FAM13B: variants seen among roughly 807,000 people sequenced by gnomAD.
The protein encoded by FAM13B is family with sequence similarity 13 member B.
Under a neutral mutation model 117.3 loss-of-function variants are expected in FAM13B, and 60 were observed. The ratio of observed to expected loss-of-function variants is 0.51; its 90% CI spans 0.42 to 0.63. The LOEUF (loss-of-function observed/expected upper bound fraction) is 0.63. Ranked by LOEUF, FAM13B falls within the 30% of genes least tolerant of loss-of-function variation. The pLI is 0.00. For missense variants in FAM13B, 972 were observed against 1,091.9 expected (o/e 0.89, Z 1.55); for synonymous variants, 332 against 356.1 (o/e 0.93, Z 0.76).
At chr5:137,981,077 ATTTTTTTT>A (rs56799832) in intron 10 of FAM13B, among the ~76,000 whole-genome samples, 2 of 60,464 alleles carry the variant, frequency 3.3e-5, no homozygotes, top group African/African-American at 7.1e-5. Flanking sequence ...ACACCTGGCT[ATTTTTTTT>A]TTTTTTTTTT....
intron 1 of FAM13B, among the ~76,000 whole-genome samples, chr5:138,023,513 C>A (rs958746545): frequency 1.3e-5 from 2 of 152,152 alleles, no homozygotes; most frequent in African/African-American, 4.8e-5. Context: ...AATCACTATA[C>A]TATTTTTTCA....
At chr5:137,943,563 G>A (rs571655799) in intron 20 of FAM13B, among the ~76,000 whole-genome samples, 1 of 152,282 alleles carries the variant, frequency 6.6e-6, no homozygotes, top group South Asian at 2.1e-4. Context: ...GGCTAACACG[G>A]TGAAAGCCCG....
At chr5:138,008,803 G>T (rs1203073322) in intron 6 of FAM13B, among the ~76,000 whole-genome samples, 1 of 152,168 alleles carries the variant, frequency 6.6e-6, no homozygotes. Flanking sequence ...CTCAACCACA[G>T]GTCTATCAAG....
upstream of FAM13B, among the ~76,000 whole-genome samples, chr5:138,035,474 C>T (rs1308873974): frequency 2.0e-5 from 3 of 152,170 alleles, no homozygotes; most frequent in Non-Finnish European, 4.4e-5. Flanking sequence ...AACATAGGGG[C>T]CACATGGGCT....
chr5:137,976,470 G>T (rs560033384), intron 10 of FAM13B, among the ~76,000 whole-genome samples: 1 of 152,202 alleles, frequency 6.6e-6, no homozygotes, highest in African/African-American at 2.4e-5. Flanking sequence ...CAGAGAAACT[G>T]TTGGAAACCT....
chr5:137,959,703 G>A lies in FAM13B; in HGVS notation c.1354C>T (p.Gln452Ter), dbSNP rs1399530093. ...ANTESEVPGG[Q>*]SVGVQGEAAC... is the part of the protein sequence containing the mutation. ...GCTTCCCCTTGAACACCAACACTCT[G>A]ACCTCCTGGTACTTCTGATTCAGTG... Residue 452 changes from glutamine (Q) to a stop codon, truncating the protein, a stop_gained, in exon 13 of 24, where the codon CAG becomes TAG. Transcript: ENST00000689681. LOFTEE classifies it high-confidence loss of function. The A allele has an allele frequency of 6.2e-7, 1 of 1,613,762 alleles. No individual in the cohort carries two copies. The highest frequency in any genetic ancestry group is 8.5e-7 in the Non-Finnish European group (1 of 1,179,824).
chr5:138,002,718 T>G (rs1781578014), intron 7 of FAM13B, among the ~76,000 whole-genome samples: 1 of 134,492 alleles, frequency 7.4e-6, no homozygotes, highest in African/African-American at 2.8e-5. Context: ...CAGGCTGGAG[T>G]GCAGGGGCGA....
chr5:137,981,724 T>G (rs1014593745), intron 10 of FAM13B, among the ~76,000 whole-genome samples: 3 of 151,718 alleles, frequency 2.0e-5, no homozygotes, highest in Non-Finnish European at 4.4e-5. Flanking sequence ...GGGCAGAGGC[T>G]GTACTGTGCC....
intron 16 of FAM13B, 136 bp from the exon 17 acceptor site, chr5:137,952,845 G>A (rs1166751495): frequency 1.8e-6 from 1 of 571,158 alleles, no homozygotes; most frequent in African/African-American, 1.9e-5. Context: ...ATTAGATAGG[G>A]CAGGATATTA....
intron 10 of FAM13B, among the ~76,000 whole-genome samples, chr5:137,968,114 C>T (rs1315956911): frequency 1.3e-5 from 2 of 149,162 alleles, no homozygotes; most frequent in African/African-American, 2.5e-5. Context: ...CCCAGCTACT[C>T]GGGAGGCTGA....
chr5:137,978,450 A>G (rs1343473942), intron 10 of FAM13B, among the ~76,000 whole-genome samples: 1 of 152,092 alleles, frequency 6.6e-6, no homozygotes, highest in East Asian at 1.9e-4. Context: ...CACCAGCATT[A>G]AATATATTGT....
rs375272932 is a variant in FAM13B, at chr5:137,942,092, T to C, written c.2589-47A>G. 4.5e-5 allele frequency: 67 copies of C among 1,483,806 alleles called. No homozygotes were observed. The African/African-American group carries it at 8.9e-4, about 20-fold the overall frequency. The allele number at this position is 1,483,806 out of a possible 1,614,324, so 91.9% of individuals were successfully genotyped here. On this transcript the variant is annotated intron_variant, in intron 22 of 23. Coordinates refer to ENST00000689681, the MANE Select transcript of FAM13B (RefSeq NM_001385994.1). ...ACTGAAGGGCACACTTGATTCATTATATTCTTAAGAGAGGTTCTATTTCTG... is the reference window on the plus strand; with the variant it reads ...ACTGAAGGGCACACTTGATTCATTACATTCTTAAGAGAGGTTCTATTTCTG...
chr5:138,005,854 AC>A (rs1782403782), intron 7 of FAM13B, among the ~76,000 whole-genome samples: 2 of 151,944 alleles, frequency 1.3e-5, no homozygotes, highest in Admixed American at 6.6e-5. Context: ...ATTACCAGTT[AC>A]TTTTAAATGA....
At chr5:137,954,491 T>A in intron 14 of FAM13B, 115 bp from the exon 15 acceptor site, 1 of 651,000 alleles carries the variant, frequency 1.5e-6, no homozygotes, top group Non-Finnish European at 2.6e-6. Flanking sequence ...GTGGTTCATA[T>A]ATACATACAC....
At chr5:138,003,839 G>A (rs568966256) in intron 7 of FAM13B, among the ~76,000 whole-genome samples, 3 of 152,264 alleles carry the variant, frequency 2.0e-5, no homozygotes, top group Admixed American at 6.5e-5. Flanking sequence ...ATGCCTCTGT[G>A]TTTCTAAATT....
At chr5:137,954,501 C>T (rs911999419) in intron 14 of FAM13B, 125 bp from the exon 15 acceptor site, 3 of 583,046 alleles carry the variant, frequency 5.1e-6, no homozygotes, top group Non-Finnish European at 9.0e-6. Context: ...TATACATACA[C>T]ACATACACAC....
chr5:138,033,111 C>A (rs1258974809), upstream of FAM13B: 2 of 214,084 alleles, frequency 9.3e-6, no homozygotes, highest in Non-Finnish European at 1.4e-5. Flanking sequence ...ACGTGACGTG[C>A]GTGGGAGGGG....
At position 137,946,214 on chromosome 5, in the gene FAM13B, AAGAG is replaced by A; in HGVS notation, c.2244+10_2244+13del. On this transcript the variant is annotated intron_variant, in intron 19 of 23. Transcript: ENST00000689681. The stretch of plus-strand genomic sequence containing the variant: ...AGACATAAAATCAAATCTTTTTAGC[AAGAG>A]AGATATTACCGGCCTTCCATGTTGA... 6.4e-7 allele frequency: 1 copy of A among 1,567,880 alleles called. No individual in the cohort carries two copies. The highest frequency in any genetic ancestry group is 8.6e-7 in the Non-Finnish European group (1 of 1,158,420).
chr5:138,037,434 G>A (rs977540518), upstream of FAM13B, among the ~76,000 whole-genome samples: 1 of 150,296 alleles, frequency 6.7e-6, no homozygotes, highest in Non-Finnish European at 1.5e-5. Flanking sequence ...TAGATGCCAG[G>A]GAGGACCTCA....
Sources: allele counts gnomAD v4.1 joint callset (sites outside exome capture counted in the v4.1 genomes callset), GRCh38; gene constraint gnomAD v4.1.1; transcripts MANE v1.5; gene names NCBI Gene and HGNC (gene_info 2026-07-23, HGNC 2026-07-21).